MLLT10: variants seen among roughly 807,000 people sequenced by gnomAD.
MLLT10 encodes protein AF-10.
In MLLT10, 30 loss-of-function variants were observed where a neutral mutation model predicts 129.1. The observed-to-expected ratio is 0.23, with a 90% CI of 0.17 to 0.32. The LOEUF (loss-of-function observed/expected upper bound fraction) is 0.32. MLLT10 is among the 10% of genes least tolerant of loss of function. MLLT10 has a pLI of 1.00. For missense variants in MLLT10, 1,119 were observed against 1,268.3 expected (o/e 0.88, Z 1.79); for synonymous variants, 490 against 446.4 (o/e 1.10, Z -1.23).
intron 4 of MLLT10, among the ~76,000 whole-genome samples, chr10:21,589,931 G>GTC (rs758155762): frequency 2.0e-4 from 30 of 149,614 alleles, no homozygotes; most frequent in Non-Finnish European, 2.8e-4. Flanking sequence ...CCCTTTGTCT[G>GTC]TCTCTCTCTC....
chr10:21,638,449 C>G lies in MLLT10; in HGVS notation c.700-13224C>G, dbSNP rs180810753. Among the ~76,000 whole-genome samples the G allele has an allele frequency of 7.2e-5, 11 of 152,038 alleles. No homozygotes were observed. In the East Asian group the frequency reaches 2.1e-3, roughly 29 times the overall value. ...TACAAAGTCATGTTAGCTTCCTTAC[C>G]CCCTGAGAATCCTGCCCACTGAATC... On this transcript the variant is annotated intron_variant, in intron 8 of 22. Coordinates refer to ENST00000307729, the MANE Select transcript of MLLT10 (RefSeq NM_001195626.3).
chr10:21,703,713 T>C (rs774132134), intron 13 of MLLT10, among the ~76,000 whole-genome samples: 24 of 151,920 alleles, frequency 1.6e-4, no homozygotes, highest in Non-Finnish European at 2.8e-4. Flanking sequence ...ACCCGGCTAA[T>C]TTTTGTGTTT....
intron 20 of MLLT10, among the ~76,000 whole-genome samples, chr10:21,734,877 T>C (rs771246956): frequency 3.9e-5 from 6 of 152,350 alleles, no homozygotes; most frequent in Admixed American, 6.5e-5. Flanking sequence ...TGTAAATTTC[T>C]ATTCCATAAA....
Position 21,625,218 on chromosome 10 carries a change from T to C in MLLT10, c.699+8011T>C, listed in dbSNP as rs2046315948. 1.7e-5 allele frequency: 25 copies of C among 1,492,602 alleles called. No homozygotes were observed. In the South Asian group the frequency reaches 2.7e-4, roughly 16 times the overall value. The allele number at this position is 1,492,602 out of a possible 1,614,324, so 92.5% of individuals were successfully genotyped here. On this transcript the variant is annotated intron_variant, in intron 8 of 22. Coordinates refer to ENST00000307729, the MANE Select transcript of MLLT10 (RefSeq NM_001195626.3). ...GCCTGTCTAGCAGCTTGGCGCTCTTTCCTTTTCTTGTCTGGTGCCTTGGCT... is the reference window on the plus strand; with the variant it reads ...GCCTGTCTAGCAGCTTGGCGCTCTTCCCTTTTCTTGTCTGGTGCCTTGGCT...
intron 3 of MLLT10, among the ~76,000 whole-genome samples, chr10:21,565,748 C>G (rs554143131): frequency 6.6e-6 from 1 of 151,482 alleles, no homozygotes; most frequent in African/African-American, 2.4e-5. Flanking sequence ...TGGGACCACA[C>G]GTGTGCACCA....
intron 13 of MLLT10, among the ~76,000 whole-genome samples, chr10:21,683,374 G>A (rs1011050176): frequency 1.3e-5 from 2 of 152,158 alleles, no homozygotes; most frequent in African/African-American, 4.8e-5. Context: ...AAAGGGATTG[G>A]CAGCATCCTT....
chr10:21,724,918 T>C (rs552185016), intron 14 of MLLT10, among the ~76,000 whole-genome samples: 1 of 152,364 alleles, frequency 6.6e-6, no homozygotes, highest in South Asian at 2.1e-4. Flanking sequence ...TTACAAACTT[T>C]GGACGAGCTC....
At position 21,704,048 on chromosome 10, in the gene MLLT10, G is replaced by A. The variant is rs183676374; in HGVS notation, c.1700-9724G>A. On this transcript the variant is annotated intron_variant, in intron 13 of 22. Coordinates refer to ENST00000307729, the MANE Select transcript of MLLT10 (RefSeq NM_001195626.3). ...TTTTTTTTTTTTTTTTTGATGGAGT[G>A]TTGCTCTGTTGCCCAGGCTAAAGTG... Among the ~76,000 whole-genome samples the A allele has an allele frequency of 1.6e-4, 18 of 112,952 alleles. No homozygotes were observed. In the South Asian group the frequency reaches 4.0e-3, roughly 25 times the overall value. 74.1% of individuals were successfully genotyped at this position (112,952 alleles called of 152,430 possible).
At chr10:21,690,609 C>T (rs1016762478) in intron 13 of MLLT10, among the ~76,000 whole-genome samples, 2 of 151,866 alleles carry the variant, frequency 1.3e-5, no homozygotes, top group Non-Finnish European at 2.9e-5. Flanking sequence ...TCAGTGTCGC[C>T]TGAGAAGTGA....
At chr10:21,609,291 A>G (rs2044363869) in intron 5 of MLLT10, among the ~76,000 whole-genome samples, 1 of 152,108 alleles carries the variant, frequency 6.6e-6, no homozygotes, top group African/African-American at 2.4e-5. Context: ...ATCAGAGGTT[A>G]TTTTCCAATC....
At chr10:21,539,696 G>A (rs2034747880) in intron 3 of MLLT10, among the ~76,000 whole-genome samples, 1 of 152,168 alleles carries the variant, frequency 6.6e-6, no homozygotes. Flanking sequence ...TTGAACCCGG[G>A]AGGTAGAGGT....
chr10:21,651,471 T>C (rs1201267217), intron 8 of MLLT10, among the ~76,000 whole-genome samples: 1 of 152,134 alleles, frequency 6.6e-6, no homozygotes, highest in Admixed American at 6.5e-5. Context: ...TTTAGGCTTA[T>C]CAAGAATAAA....
chr10:21,646,230 C>A (rs531478687), intron 8 of MLLT10, among the ~76,000 whole-genome samples: 3 of 152,106 alleles, frequency 2.0e-5, no homozygotes, highest in East Asian at 3.9e-4. Context: ...AACAAAAAAA[C>A]CCCTCTCCTG....
chr10:21,538,414 C>A (rs760473066), intron 2 of MLLT10, among the ~76,000 whole-genome samples: 1 of 152,060 alleles, frequency 6.6e-6, no homozygotes, highest in African/African-American at 2.4e-5. Flanking sequence ...CCGCCTGTCT[C>A]AGCCTCCCAA....
Position 21,673,556 on chromosome 10 carries a change from C to T in MLLT10, c.1258C>T (p.Leu420Phe), listed in dbSNP as rs1589571062. 1.2e-6 allele frequency: 2 copies of T among 1,613,122 alleles called. No homozygotes were observed. Among genetic ancestry groups the T allele is most frequent in the Non-Finnish European group, 1.7e-6 (2 of 1,179,662 alleles). The change falls in exon 11 of 23, where the codon CTC becomes TTC. Residue 420 changes from leucine to phenylalanine, a missense_variant. Leu to Phe is a conservative substitution (Grantham distance 22). Around this residue, in one of 5 missense-constraint regions of MLLT10, gnomAD observed 1,004 missense variants for 1,008.7 expected, o/e 1.00. Coordinates refer to ENST00000307729, the MANE Select transcript of MLLT10 (RefSeq NM_001195626.3). ...AAATAGTTTTAGTACCTTAATTGGC[C>T]TCCCTTCAACCTCAGCTGTTACTTC... ...GVNSFSTLIGLPSTSAVTSQP... is the reference protein window; with the variant it reads ...GVNSFSTLIGFPSTSAVTSQP...
chr10:21,717,792 T>TCTC (rs2056812659), intron 14 of MLLT10, among the ~76,000 whole-genome samples: 2 of 136,148 alleles, frequency 1.5e-5, no homozygotes, highest in African/African-American at 5.7e-5. Context: ...TTCTTCTTCT[T>TCTC]CTTCTTCTCC....
At chr10:21,734,799 C>T (rs895054586) in intron 20 of MLLT10, among the ~76,000 whole-genome samples, 8 of 152,088 alleles carry the variant, frequency 5.3e-5, no homozygotes, top group African/African-American at 1.9e-4. Context: ...TATGTGTTTA[C>T]TTAGTGTGAG....
intron 5 of MLLT10, among the ~76,000 whole-genome samples, chr10:21,605,124 T>C (rs1296959926): frequency 3.3e-5 from 5 of 152,020 alleles, no homozygotes; most frequent in Non-Finnish European, 5.9e-5. Flanking sequence ...ACCTTATTTA[T>C]TTAACATCTT....
At chr10:21,657,120 G>A (rs1276970537) in intron 9 of MLLT10, among the ~76,000 whole-genome samples, 1 of 152,100 alleles carries the variant, frequency 6.6e-6, no homozygotes, top group East Asian at 1.9e-4. Flanking sequence ...TGCCAGGTGG[G>A]GTAGCTCACA....
Sources: allele counts gnomAD v4.1 joint callset (sites outside exome capture counted in the v4.1 genomes callset), GRCh38; gene constraint gnomAD v4.1.1; regional missense constraint gnomAD v4.1.1; transcripts MANE v1.5; gene names NCBI Gene and HGNC (gene_info 2026-07-23, HGNC 2026-07-21).